The following KIAA1217 variants were observed in gnomAD, a reference collection of about 807,000 sequenced individuals.
The protein encoded by KIAA1217 is sickle tail protein homolog.
KIAA1217 carries 88 observed loss-of-function variants against 163.9 expected under a neutral mutation model. The ratio of observed to expected loss-of-function variants is 0.54; its 90% CI spans 0.45 to 0.64. KIAA1217 has a LOEUF of 0.64. Ranked by LOEUF, KIAA1217 falls within the 30% of genes least tolerant of loss-of-function variation. The pLI, the probability that KIAA1217 is intolerant of heterozygous loss-of-function variation, is 0.00. For missense variants in KIAA1217, 2,372 were observed against 2,475.0 expected (o/e 0.96, Z 0.88); for synonymous variants, 903 against 923.1 (o/e 0.98, Z 0.39).
At chr10:24,233,303 T>A (rs2071716451) in intron 2 of KIAA1217, among the ~76,000 whole-genome samples, 1 of 152,094 alleles carries the variant, frequency 6.6e-6, no homozygotes, top group Admixed American at 6.5e-5. Context: ...CCAGTTCTCA[T>A]GGGAACTAAT....
chr10:23,975,446 G>T (rs2131401024), intron 1 of KIAA1217, among the ~76,000 whole-genome samples: 1 of 152,270 alleles, frequency 6.6e-6, no homozygotes, highest in Admixed American at 6.5e-5. Context: ...AACTAAATGA[G>T]AAACACCAAA....
intron 1 of KIAA1217, among the ~76,000 whole-genome samples, chr10:23,833,433 A>G (rs1838303019): frequency 6.6e-6 from 1 of 151,718 alleles, no homozygotes; most frequent in African/African-American, 2.4e-5. Flanking sequence ...CAGTGAGCCA[A>G]GATCATGCCA....
At chr10:24,129,594 G>T (rs1224101896) in intron 2 of KIAA1217, among the ~76,000 whole-genome samples, 1 of 152,020 alleles carries the variant, frequency 6.6e-6, no homozygotes, top group African/African-American at 2.4e-5. Flanking sequence ...GATTAATCTT[G>T]ATTTTAAACA....
chr10:24,360,455 A>T lies in KIAA1217; in HGVS notation c.355-20414A>T, dbSNP rs116638742. Among the ~76,000 whole-genome samples the T allele has an allele frequency of 7.7e-3, 1,165 of 152,202 alleles. 16 individuals are homozygous for T. The highest frequency in any genetic ancestry group is 0.026 in the African/African-American group (1,079 of 41,526). On this transcript the variant is annotated intron_variant, in intron 2 of 20. Transcript: ENST00000376454. ...GTGGTAACTTTATGAAATCTCTTAG[A>T]CTTGCAGCAATCAAGCCTCTCCCTT...
At chr10:23,702,114 C>T (rs1397754001) in intron 1 of KIAA1217, among the ~76,000 whole-genome samples, 2 of 152,132 alleles carry the variant, frequency 1.3e-5, no homozygotes, top group East Asian at 1.9e-4. Flanking sequence ...GGAAAAGTTA[C>T]TACAGCAGCA....
intron 8 of KIAA1217, among the ~76,000 whole-genome samples, chr10:24,495,746 G>T (rs746973173): frequency 1.3e-5 from 2 of 152,200 alleles, no homozygotes; most frequent in African/African-American, 2.4e-5. Context: ...GCTGCAATAT[G>T]GGGATGGATG....
chr10:24,091,915 G>T (rs545296979), intron 2 of KIAA1217, among the ~76,000 whole-genome samples: 22 of 151,794 alleles, frequency 1.4e-4, no homozygotes, highest in Non-Finnish European at 3.2e-4. Flanking sequence ...CTTGTCTTCT[G>T]CCATCCCCTA....
intron 1 of KIAA1217, among the ~76,000 whole-genome samples, chr10:23,863,920 A>T (rs1840064515): frequency 6.6e-6 from 1 of 152,140 alleles, no homozygotes. Flanking sequence ...TTTGACTTTC[A>T]GTAGTCCTTT....
intron 2 of KIAA1217, among the ~76,000 whole-genome samples, chr10:24,178,977 T>C (rs2066041234): frequency 6.6e-6 from 1 of 152,202 alleles, no homozygotes. Context: ...TTGCTTAATG[T>C]AGGGGAGGAA....
intron 2 of KIAA1217, among the ~76,000 whole-genome samples, chr10:24,107,987 G>T (rs960180762): frequency 4.6e-5 from 7 of 152,276 alleles, no homozygotes; most frequent in Admixed American, 4.6e-4. Context: ...GGATGGGGTT[G>T]TCCAGGTAAA....
chr10:24,380,861 T>C lies in KIAA1217; in HGVS notation c.355-8T>C. The C allele has an allele frequency of 6.7e-7, 1 of 1,499,456 alleles. No individual in the cohort carries two copies. Among genetic ancestry groups the C allele is most frequent in the Non-Finnish European group, 8.9e-7 (1 of 1,121,614 alleles). 92.9% of individuals were successfully genotyped at this position (1,499,456 alleles called of 1,614,324 possible). The stretch of plus-strand genomic sequence containing the variant: ...ATTTTCCCACTTTCTTTAAAATGCC[T>C]TTTGCAGACAAGGAGCCCCAAACTG... On this transcript the variant is annotated splice_polypyrimidine_tract_variant and splice_region_variant and intron_variant, in intron 2 of 20. Transcript: ENST00000376454.
At chr10:24,419,917 C>T (rs1001103597) in intron 3 of KIAA1217, among the ~76,000 whole-genome samples, 5 of 152,040 alleles carry the variant, frequency 3.3e-5, no homozygotes, top group Admixed American at 6.6e-5. Flanking sequence ...TTTTGAGATT[C>T]ATCCATATTG....
chr10:23,713,350 C>A (rs1479028532), intron 1 of KIAA1217, among the ~76,000 whole-genome samples: 1 of 152,130 alleles, frequency 6.6e-6, no homozygotes, highest in African/African-American at 2.4e-5. Context: ...CTCCTAGTTA[C>A]TAATCATTTC....
chr10:24,275,837 G>A, intron 2 of KIAA1217: 1 of 461,942 alleles, frequency 2.2e-6, no homozygotes, highest in South Asian at 1.7e-5. Flanking sequence ...ATTTTCCAAA[G>A]CAGTGTCTCA....
intron 1 of KIAA1217, among the ~76,000 whole-genome samples, chr10:23,715,703 C>T (rs1222487045): frequency 2.0e-5 from 3 of 152,032 alleles, no homozygotes; most frequent in Non-Finnish European, 4.4e-5. Flanking sequence ...GTTTTCTCAT[C>T]TACAAATATT....
chr10:24,073,139 A>G (rs2061247617), intron 2 of KIAA1217, among the ~76,000 whole-genome samples: 1 of 152,152 alleles, frequency 6.6e-6, no homozygotes, highest in African/African-American at 2.4e-5. Flanking sequence ...AAGCAGAACC[A>G]AGCATACTCA....
chr10:24,355,470 G>C (rs759234963), intron 2 of KIAA1217, among the ~76,000 whole-genome samples: 13 of 152,104 alleles, frequency 8.5e-5, no homozygotes, highest in Non-Finnish European at 1.5e-4. Context: ...TCATATGGCA[G>C]AAAGAAAGCA....
chr10:24,510,639 T>A (rs553977971), intron 9 of KIAA1217, among the ~76,000 whole-genome samples: 4 of 152,248 alleles, frequency 2.6e-5, no homozygotes, highest in South Asian at 4.1e-4. Context: ...TCATCACTCA[T>A]TCCCGCCCCC....
At chr10:24,474,124 A>G (rs961654526) in intron 6 of KIAA1217, 64 bp downstream of exon 6, 3 of 1,214,234 alleles carry the variant, frequency 2.5e-6, no homozygotes, top group African/African-American at 3.0e-5. Context: ...GGGCAGCTCT[A>G]CAGGGGTCAA....
Sources: gnomAD v4.1 joint callset for allele counts (sites outside exome capture counted in the v4.1 genomes callset) on GRCh38, gnomAD v4.1.1 for gene constraint, MANE v1.5 for transcripts, NCBI Gene and HGNC (gene_info 2026-07-23, HGNC 2026-07-21) for gene names.